NT5DC3: variants seen among roughly 807,000 people sequenced by gnomAD.
The protein encoded by NT5DC3 is 5'-nucleotidase domain-containing protein 3.
A neutral mutation model predicts 67.8 loss-of-function variants in NT5DC3; 42 were observed. That is an observed-to-expected ratio of 0.62 (90% CI 0.48 to 0.80). NT5DC3 has a LOEUF of 0.80. Ranked by LOEUF, NT5DC3 falls within the 30% of genes least tolerant of loss-of-function variation. NT5DC3 has a pLI of 0.00. For missense variants in NT5DC3, 570 were observed against 696.4 expected (o/e 0.82, Z 2.04); for synonymous variants, 237 against 255.6 (o/e 0.93, Z 0.69).
intron 9 of NT5DC3, among the ~76,000 whole-genome samples, chr12:103,790,680 C>T (rs12424929): frequency 0.095 from 13,807 of 144,996 alleles, 895 homozygotes; most frequent in East Asian, 0.27. Context: ...CACGGCACCC[C>T]GGCCCAAGTA....
chr12:103,797,474 A>G (rs1471203105), intron 5 of NT5DC3, among the ~76,000 whole-genome samples: 1 of 150,206 alleles, frequency 6.7e-6, no homozygotes, highest in Non-Finnish European at 1.5e-5. Flanking sequence ...CTGCCTTAAA[A>G]AAAAAAAAAA....
At chr12:103,791,203 C>G (rs1322353469) in intron 9 of NT5DC3, among the ~76,000 whole-genome samples, 1 of 152,114 alleles carries the variant, frequency 6.6e-6, no homozygotes, top group Non-Finnish European at 1.5e-5. Flanking sequence ...CTGAGACACC[C>G]TGCCTGCGCC....
chr12:103,803,563 A>G (rs1886671044), intron 4 of NT5DC3, among the ~76,000 whole-genome samples: 1 of 152,048 alleles, frequency 6.6e-6, no homozygotes, highest in Non-Finnish European at 1.5e-5. Flanking sequence ...TAGATATTTC[A>G]TTACCCATGT....
intron 4 of NT5DC3, among the ~76,000 whole-genome samples, chr12:103,800,555 C>T (rs2139368651): frequency 6.6e-6 from 1 of 152,376 alleles, no homozygotes; most frequent in African/African-American, 2.4e-5. Flanking sequence ...CAGGCTGCAT[C>T]CACAAGAGCC....
At chr12:103,760,126 G>A in the NT5DC3 span, among the ~76,000 whole-genome samples, 1 of 152,182 alleles carries the variant, frequency 6.6e-6, no homozygotes, top group Admixed American at 6.5e-5. Flanking sequence ...TGGAACAGAA[G>A]GGGCACTTTC....
the NT5DC3 span, chr12:103,746,516 AGAGTCTT>A: frequency 1.5e-6 from 2 of 1,315,274 alleles, no homozygotes; most frequent in African/African-American, 2.9e-5. Context: ...TCGTCCAGAG[AGAGTCTT>A]GGAAAGTCTC....
intron 13 of NT5DC3, among the ~76,000 whole-genome samples, chr12:103,778,578 G>A (rs1216615361): frequency 6.6e-6 from 1 of 151,490 alleles, no homozygotes; most frequent in South Asian, 2.1e-4. Flanking sequence ...GCCTGGGCAT[G>A]GCAGGTGGAT....
chr12:103,827,481 G>C (rs1246444842), intron 1 of NT5DC3, among the ~76,000 whole-genome samples: 3 of 152,136 alleles, frequency 2.0e-5, no homozygotes, highest in Non-Finnish European at 4.4e-5. Flanking sequence ...TGCTACCTTA[G>C]CTAAGGATTA....
chr12:103,807,176 T>C (rs966866335), intron 2 of NT5DC3, among the ~76,000 whole-genome samples: 1 of 151,772 alleles, frequency 6.6e-6, no homozygotes, highest in African/African-American at 2.4e-5. Context: ...GGCCTCATTC[T>C]CTCCCCTGCC....
chr12:103,768,634 T>TGAGA (rs58287606), downstream of NT5DC3, among the ~76,000 whole-genome samples: 2,041 of 24,778 alleles, frequency 0.082, 219 homozygotes, highest in East Asian at 0.33. Context: ...GGAGAGGGAG[T>TGAGA]GAGAGAGAGA....
chr12:103,768,457 T>C (rs538348269), downstream of NT5DC3, among the ~76,000 whole-genome samples: 8 of 128,366 alleles, frequency 6.2e-5, no homozygotes, highest in Non-Finnish European at 1.1e-4. Context: ...TTGAAAAAAT[T>C]GTGTTATCAC....
chr12:103,805,129 C>T lies in NT5DC3; in HGVS notation c.524+1193G>A, dbSNP rs529101548. 2.6e-5 allele frequency among the ~76,000 whole-genome samples: 4 copies of T among 151,620 alleles called. No homozygotes were observed. In the East Asian group the frequency reaches 7.8e-4, roughly 29 times the overall value. ...ATGTAAACAGTGACCAGTACAACCA[C>T]CAAAAACTGAGATCTGAATGAGATG... On this transcript the variant is annotated intron_variant, in intron 4 of 13. Coordinates refer to ENST00000392876, the MANE Select transcript of NT5DC3 (RefSeq NM_001031701.3).
intron 1 of NT5DC3, among the ~76,000 whole-genome samples, chr12:103,834,066 C>T (rs6539102): frequency 0.18 from 27,344 of 151,892 alleles, 2,605 homozygotes; most frequent in Middle Eastern, 0.31. Context: ...TGTTTAGCAG[C>T]AACCCTGGCC....
chr12:103,813,987 C>T (rs1261361955), intron 2 of NT5DC3, among the ~76,000 whole-genome samples: 1 of 152,194 alleles, frequency 6.6e-6, no homozygotes, highest in African/African-American at 2.4e-5. Context: ...TTCTTTGCTT[C>T]CCCAATTCCC....
the NT5DC3 span, chr12:103,763,699 A>G: frequency 8.4e-7 from 1 of 1,186,896 alleles, no homozygotes; most frequent in South Asian, 1.4e-5. Context: ...CTTTGTACCA[A>G]AGAAGGTTCA....
the NT5DC3 span, chr12:103,762,312 T>A: frequency 4.3e-6 from 7 of 1,614,122 alleles, no homozygotes; most frequent in African/African-American, 9.3e-5. Context: ...GGATCTTCTT[T>A]GCCATCATCC....
chr12:103,823,470 A>G (rs1429502396), intron 1 of NT5DC3, among the ~76,000 whole-genome samples: 1 of 152,082 alleles, frequency 6.6e-6, no homozygotes, highest in Non-Finnish European at 1.5e-5. Flanking sequence ...TTAAATATCT[A>G]TTTCTATGTT....
At chr12:103,749,114 C>T in the NT5DC3 span, 31 of 1,611,610 alleles carry the variant, frequency 1.9e-5, no homozygotes, top group Middle Eastern at 5.0e-4. Context: ...ACGGCCTTAA[C>T]GGAGGGTGTC....
At chr12:103,794,057 A>G in intron 6 of NT5DC3, 60 bp from the exon 7 acceptor site, 1 of 1,333,812 alleles carries the variant, frequency 7.5e-7, no homozygotes, top group South Asian at 1.2e-5. Flanking sequence ...GAGTAACAGT[A>G]CAAGTGAAAT....
Sources: gnomAD v4.1 joint callset for allele counts (sites outside exome capture counted in the v4.1 genomes callset) on GRCh38, gnomAD v4.1.1 for gene constraint, MANE v1.5 for transcripts, NCBI Gene and HGNC (gene_info 2026-07-23, HGNC 2026-07-21) for gene names.